The following RALYL variants were observed in gnomAD, a reference collection of about 807,000 sequenced individuals.
The protein encoded by RALYL is RNA-binding Raly-like protein.
A neutral mutation model predicts 35.1 loss-of-function variants in RALYL; 29 were observed. That is an observed-to-expected ratio of 0.83 (90% CI 0.61 to 1.13). RALYL has a LOEUF of 1.13. RALYL is among the 50% of genes most tolerant of loss of function. RALYL has a pLI of 0.00. For synonymous variants in RALYL, 120 were observed against 127.6 expected (o/e 0.94, Z 0.40); for missense variants, 359 against 360.4 (o/e 1.00, Z 0.03).
At chr8:84,346,321 A>C (rs1849831604) in intron 1 of RALYL, among the ~76,000 whole-genome samples, 1 of 152,092 alleles carries the variant, frequency 6.6e-6, no homozygotes, top group African/African-American at 2.4e-5. Context: ...CTTTAAAGTA[A>C]TTTATTACCC....
chr8:84,303,818 CATCTGAATTGTAGATT>C (rs1432847739), intron 1 of RALYL, among the ~76,000 whole-genome samples: 2 of 152,042 alleles, frequency 1.3e-5, no homozygotes, highest in South Asian at 2.1e-4. Context: ...TTTCCATTTC[CATCTGAATTGTAGATT>C]AGCAGAAGTA....
intron 1 of RALYL, among the ~76,000 whole-genome samples, chr8:84,333,725 T>C (rs1847253084): frequency 6.6e-6 from 1 of 152,116 alleles, no homozygotes; most frequent in Non-Finnish European, 1.5e-5. Flanking sequence ...TAGGTGAGAG[T>C]TGGAGACTGT....
intron 3 of RALYL, among the ~76,000 whole-genome samples, chr8:84,792,735 G>A (rs907372811): frequency 6.6e-6 from 1 of 152,054 alleles, no homozygotes; most frequent in African/African-American, 2.4e-5. Flanking sequence ...CTCTCCCTGG[G>A]GCCAGCTTAG....
chr8:84,751,463 C>T (rs1809991082), intron 2 of RALYL, among the ~76,000 whole-genome samples: 1 of 152,116 alleles, frequency 6.6e-6, no homozygotes, highest in African/African-American at 2.4e-5. Context: ...CCACCTTGAC[C>T]TCCCAAAGTG....
At chr8:84,317,549 G>A (rs996154393) in intron 1 of RALYL, among the ~76,000 whole-genome samples, 28 of 152,238 alleles carry the variant, frequency 1.8e-4, no homozygotes, top group South Asian at 6.2e-4. Flanking sequence ...CTTTTCATCC[G>A]TCAGAATTGC....
intron 2 of RALYL, among the ~76,000 whole-genome samples, chr8:84,641,169 A>T (rs916877751): frequency 6.6e-6 from 1 of 151,190 alleles, no homozygotes; most frequent in Admixed American, 6.6e-5. Flanking sequence ...TATATTGATA[A>T]CTTTCTTTAT....
chr8:84,682,774 A>G (rs564640502), intron 2 of RALYL, among the ~76,000 whole-genome samples: 1 of 150,016 alleles, frequency 6.7e-6, no homozygotes, highest in Non-Finnish European at 1.5e-5. Flanking sequence ...AATTTTGTTG[A>G]TCTTTTCAAA....
chr8:84,383,303 AG>A (rs1858408783), intron 1 of RALYL, among the ~76,000 whole-genome samples: 1 of 151,768 alleles, frequency 6.6e-6, no homozygotes, highest in Non-Finnish European at 1.5e-5. Flanking sequence ...TTCAGAAAAG[AG>A]GGTCTTTTAT....
chr8:84,418,140 G>C (rs956851252), intron 1 of RALYL, among the ~76,000 whole-genome samples: 1 of 152,136 alleles, frequency 6.6e-6, no homozygotes, highest in African/African-American at 2.4e-5. Flanking sequence ...AAGATCTGTA[G>C]TGTCTGACAT....
intron 1 of RALYL, among the ~76,000 whole-genome samples, chr8:84,512,296 C>CTTGT (rs1403049154): frequency 1.3e-5 from 2 of 151,694 alleles, no homozygotes; most frequent in Non-Finnish European, 2.9e-5. Flanking sequence ...TTTGCATTTT[C>CTTGT]TTGTTAATGA....
At position 84,898,079 on chromosome 8, in the gene RALYL, G is replaced by A. The variant is rs557641710; in HGVS notation, c.858+10303G>A. Among the ~76,000 whole-genome samples the A allele has an allele frequency of 5.9e-5, 9 of 152,274 alleles. No individual in the cohort carries two copies. The South Asian group carries it at 1.9e-3, about 32-fold the overall frequency. ...AAGAACAGTATATACAAGGAAGAAA[G>A]GTATGAAAGAATTGGGGAAGTTGCC... On this transcript the variant is annotated intron_variant, in intron 8 of 8. Coordinates refer to ENST00000521268, the MANE Select transcript of RALYL (RefSeq NM_173848.7).
chr8:84,697,100 A>G (rs532199750), intron 2 of RALYL, among the ~76,000 whole-genome samples: 1 of 152,110 alleles, frequency 6.6e-6, no homozygotes, highest in South Asian at 2.1e-4. Context: ...ACTTTTGTAG[A>G]CAGGCTGAAA....
intron 2 of RALYL, among the ~76,000 whole-genome samples, chr8:84,531,844 G>A (rs2059295651): frequency 1.3e-5 from 2 of 151,946 alleles, no homozygotes; most frequent in South Asian, 4.1e-4. Context: ...AATGCAATGG[G>A]CAAAGATAAA....
chr8:84,690,850 C>G (rs148326983), intron 2 of RALYL, among the ~76,000 whole-genome samples: 2 of 151,690 alleles, frequency 1.3e-5, no homozygotes, highest in Non-Finnish European at 2.9e-5. Flanking sequence ...ATTATGAGGA[C>G]CCAGATTTTG....
Position 84,283,156 on chromosome 8 carries a change from AGTT to A in RALYL, c.-24+98736_-24+98738del, listed in dbSNP as rs537837942. On this transcript the variant is annotated intron_variant, in intron 1 of 8. Coordinates refer to ENST00000521268, the MANE Select transcript of RALYL (RefSeq NM_173848.7). ...ATGTGAAACTTAAGTGATGTATAAG[AGTT>A]GTTATGTATAAATGTTGAGTTATGT... 2.6e-3 allele frequency among the ~76,000 whole-genome samples: 396 copies of A among 152,240 alleles called. 2 individuals are homozygous for A. The highest frequency in any genetic ancestry group is 3.6e-3 in the Non-Finnish European group (248 of 67,988).
intron 2 of RALYL, among the ~76,000 whole-genome samples, chr8:84,713,377 ATAACT>A (rs1475470899): frequency 1.3e-5 from 2 of 152,052 alleles, no homozygotes; most frequent in South Asian, 2.1e-4. Flanking sequence ...AATAAAATTA[ATAACT>A]TGATTGAAAA....
At chr8:84,705,902 G>T (rs774599535) in intron 2 of RALYL, 40 of 1,480,122 alleles carry the variant, frequency 2.7e-5, no homozygotes, top group Non-Finnish European at 3.3e-5. Context: ...GGCTTTCACT[G>T]TGTGATTGCT....
chr8:84,879,692 C>G (rs1318698581), intron 7 of RALYL, among the ~76,000 whole-genome samples: 2 of 152,014 alleles, frequency 1.3e-5, no homozygotes, highest in African/African-American at 4.8e-5. Context: ...CAAAACGCTG[C>G]TGTTTTCCAT....
intron 5 of RALYL, among the ~76,000 whole-genome samples, chr8:84,857,055 A>AAAG: frequency 6.6e-6 from 1 of 151,720 alleles, no homozygotes; most frequent in African/African-American, 2.4e-5. Context: ...AAAAAAAAAA[A>AAAG]AAAAGAATTA....
Sources: gnomAD v4.1 joint callset for allele counts (sites outside exome capture counted in the v4.1 genomes callset) on GRCh38, gnomAD v4.1.1 for gene constraint, MANE v1.5 for transcripts, NCBI Gene and HGNC (gene_info 2026-07-23, HGNC 2026-07-21) for gene names.